TOP1: variants seen among roughly 807,000 people sequenced by gnomAD.
The protein encoded by TOP1 is DNA topoisomerase I, also known as DNA topoisomerase 1.
A neutral mutation model predicts 111.1 loss-of-function variants in TOP1; 10 were observed. The ratio of observed to expected loss-of-function variants is 0.09; its 90% CI spans 0.06 to 0.15. TOP1 has a LOEUF of 0.15. Among genes scored for constraint, TOP1 ranks in the 10% least tolerant of loss-of-function variants. The probability of loss-of-function intolerance (pLI) is 1.00; values close to 1 mark genes in which losing one functional copy is unlikely to be tolerated. For synonymous variants in TOP1, 271 were observed against 302.9 expected, an observed-to-expected ratio of 0.89 and a Z score of 1.10; for missense variants, 474 against 926.7, an observed-to-expected ratio of 0.51 and a Z score of 6.34.
chr20:41,075,486 T>C (rs977326153), intron 3 of TOP1, among the ~76,000 whole-genome samples: 1 of 152,220 alleles, frequency 6.6e-6, no homozygotes. Flanking sequence ...TAAACATCTT[T>C]ATATGTAATG....
chr20:41,117,535 C>T (rs901355781), intron 17 of TOP1, among the ~76,000 whole-genome samples: 8 of 151,480 alleles, frequency 5.3e-5, no homozygotes, highest in African/African-American at 1.2e-4. Context: ...TACAGGTGCC[C>T]GCCATGTCGC....
At chr20:41,057,688 G>A (rs1324516900) in intron 2 of TOP1, among the ~76,000 whole-genome samples, 1 of 152,056 alleles carries the variant, frequency 6.6e-6, no homozygotes, top group Admixed American at 6.6e-5. Context: ...CTGTATTCCA[G>A]TCTTCTTCAT....
At chr20:41,075,972 T>G (rs1187809366) in intron 3 of TOP1, among the ~76,000 whole-genome samples, 199 bp from the exon 4 acceptor site, 1 of 152,196 alleles carries the variant, frequency 6.6e-6, no homozygotes. Context: ...AGAATGATGG[T>G]TTCTGTTCTT....
intron 18 of TOP1, among the ~76,000 whole-genome samples, chr20:41,120,310 T>C (rs553978833): frequency 2.0e-5 from 3 of 152,350 alleles, no homozygotes; most frequent in South Asian, 2.1e-4. Context: ...GTAAAACATA[T>C]TTAGTGATCC....
chr20:41,036,603 T>TGG (rs1430945628), intron 2 of TOP1, among the ~76,000 whole-genome samples: 1 of 152,180 alleles, frequency 6.6e-6, no homozygotes, highest in African/African-American at 2.4e-5. Context: ...TGATTGATGT[T>TGG]GGGGAGTCTG....
In TOP1 at chr20:41,067,726, G is replaced by T. The variant is rs1254090778; in HGVS notation, c.155+6236G>T. 6.6e-6 allele frequency among the ~76,000 whole-genome samples: 1 copy of T among 152,142 alleles called. No individual in the cohort carries two copies. The highest frequency in any genetic ancestry group is 1.5e-5 in the Non-Finnish European group (1 of 68,028). ...ATTAGCACCAATCATTTGTCATCAG[G>T]CTATACTTAGGACCCAAGCCCAGGA... On this transcript the variant is annotated intron_variant, in intron 3 of 20. Coordinates refer to ENST00000361337, the MANE Select transcript of TOP1 (RefSeq NM_003286.4). The surrounding 1 kb of genome is among the most constrained non-coding windows in gnomAD (Gnocchi z 4.0).
rs935282877 is a variant in TOP1 at position 41,102,296 on chromosome 20, A to G, written c.1308+943A>G. ...TTTCTAATGAAAAATACCTGTTTAT[A>G]TATTTTCTCCAATTATAAAATATAC... On this transcript the variant is annotated intron_variant, in intron 13 of 20. Transcript: ENST00000361337. This position sits in a 1 kb window ranked among gnomAD's most constrained non-coding sequence, Gnocchi z 4.0. 3.3e-5 allele frequency among the ~76,000 whole-genome samples: 5 copies of G among 152,196 alleles called. No individual in the cohort carries two copies. Among genetic ancestry groups the G allele is most frequent in the African/African-American group, 1.2e-4 (5 of 41,448 alleles).
At chr20:41,057,735 GT>G (rs1318374564) in intron 2 of TOP1, among the ~76,000 whole-genome samples, 14 of 151,962 alleles carry the variant, frequency 9.2e-5, no homozygotes, top group South Asian at 2.1e-4. Context: ...ACACAGAGTA[GT>G]TTTTTTTAAT....
chr20:41,072,434 C>T lies in TOP1; in HGVS notation c.156-3737C>T, dbSNP rs145155985. The T allele has an allele frequency of 1.3e-4, 131 of 985,380 alleles. No individual in the cohort carries two copies. In the East Asian group the frequency reaches 0.011, roughly 79 times the overall value. The allele number at this position is 985,380 out of a possible 1,614,324, so 61.0% of individuals were successfully genotyped here. On this transcript the variant is annotated intron_variant, in intron 3 of 20. Coordinates refer to ENST00000361337, the MANE Select transcript of TOP1 (RefSeq NM_003286.4). ...CCTAAGCCTTTTGGAAAAAGACATA[C>T]ATGTTAGAAAATCTCAAATGGATGA...
chr20:41,090,083 C>T (rs2033901777), intron 8 of TOP1, among the ~76,000 whole-genome samples: 1 of 151,868 alleles, frequency 6.6e-6, no homozygotes, highest in Non-Finnish European at 1.5e-5. Flanking sequence ...AAGTGATTCT[C>T]ATGCCTCAGC....
Position 41,118,146 on chromosome 20 carries a change from C to G in TOP1, c.1823-23C>G. 6.2e-7 allele frequency: 1 copy of G among 1,608,204 alleles called. No homozygotes were observed. Among genetic ancestry groups the G allele is most frequent in the Non-Finnish European group, 8.5e-7 (1 of 1,175,676 alleles). On this transcript the variant is annotated intron_variant, in intron 17 of 20. Transcript: ENST00000361337. The surrounding 1 kb of genome is among the most constrained non-coding windows in gnomAD (Gnocchi z 4.6). ...TTTGGTGTACAAACTGACCCTCTTG[C>G]TACCATGTTCCTTTCTTTACAGCGG...
chr20:41,119,302 AC>A lies in TOP1; in HGVS notation c.1950+1007del, dbSNP rs200366420. Among the ~76,000 whole-genome samples the A allele has an allele frequency of 9.8e-3, 1,500 of 152,338 alleles. 18 individuals carry two copies. The highest frequency in any genetic ancestry group is 0.024 in the Middle Eastern group (7 of 294). ...CTATGGTTTGTTCCCCATATTCATA[AC>A]TGAAGAAGAAATACTAAATTTCAGC... On this transcript the variant is annotated intron_variant, in intron 18 of 20. Coordinates refer to ENST00000361337, the MANE Select transcript of TOP1 (RefSeq NM_003286.4).
intron 3 of TOP1, among the ~76,000 whole-genome samples, chr20:41,065,239 T>C (rs2033592990): frequency 6.6e-6 from 1 of 152,192 alleles, no homozygotes; most frequent in Non-Finnish European, 1.5e-5. Context: ...AGGCTTAGTA[T>C]GGTACCTGGC....
intron 13 of TOP1, among the ~76,000 whole-genome samples, chr20:41,107,052 A>C (rs2034157944): frequency 6.6e-6 from 1 of 152,008 alleles, no homozygotes; most frequent in Non-Finnish European, 1.5e-5. Context: ...ACACCCTTTA[A>C]TGTTTCTTTA....
In TOP1 at chr20:41,071,975, C is replaced by G. The variant is rs2033674211; in HGVS notation, c.156-4196C>G. ...TTTTTGTCCTTCAGCATATCCCAGACTAAACTTACTCTTAAAATATGTTTG... is the reference window on the plus strand; with the variant it reads ...TTTTTGTCCTTCAGCATATCCCAGAGTAAACTTACTCTTAAAATATGTTTG... On this transcript the variant is annotated intron_variant, in intron 3 of 20. Transcript: ENST00000361337. The surrounding 1 kb of genome is among the most constrained non-coding windows in gnomAD (Gnocchi z 4.3). 6.6e-6 allele frequency among the ~76,000 whole-genome samples: 1 copy of G among 152,192 alleles called. No homozygotes were observed. The highest frequency in any genetic ancestry group is 6.5e-5 in the Admixed American group (1 of 15,274).
rs1025201546 is a variant in TOP1, at chr20:41,083,867, G to A, written c.508-595G>A. Among the ~76,000 whole-genome samples, 7 of 152,094 alleles carry A rather than the reference G, an allele frequency of 4.6e-5. No individual in the cohort carries two copies. Among genetic ancestry groups the A allele is most frequent in the Non-Finnish European group, 1.0e-4 (7 of 68,014 alleles). ...TGATGCCCGTTTATTGTGTCACTGT[G>A]ATCAGCTCATTTACATTCAGAGTTC... is the stretch of plus-strand genomic sequence containing the variant. On this transcript the variant is annotated intron_variant, in intron 7 of 20. Coordinates refer to ENST00000361337, the MANE Select transcript of TOP1 (RefSeq NM_003286.4). The surrounding 1 kb of genome is among the most constrained non-coding windows in gnomAD (Gnocchi z 7.2).
At chr20:41,054,794 A>G (rs1480169707) in intron 2 of TOP1, among the ~76,000 whole-genome samples, 1 of 152,220 alleles carries the variant, frequency 6.6e-6, no homozygotes, top group Non-Finnish European at 1.5e-5. Context: ...TAGTCTTCAG[A>G]ATATATTTCT....
At chr20:41,036,797 A>G (rs1317342505) in intron 2 of TOP1, among the ~76,000 whole-genome samples, 1 of 151,644 alleles carries the variant, frequency 6.6e-6, no homozygotes, top group Non-Finnish European at 1.5e-5. Flanking sequence ...GTTTGGGCTG[A>G]GAAGGATCCA....
rs2033076566 is a variant in TOP1, at chr20:41,028,960, C to T, written c.-108C>T. ...GCCCACAGTCACCGCCGCTTACCTGCGCCTCCTCGAGCCTCCGGAGTCCCC... is the reference window on the plus strand; with the variant it reads ...GCCCACAGTCACCGCCGCTTACCTGTGCCTCCTCGAGCCTCCGGAGTCCCC... On this transcript the variant is annotated 5_prime_UTR_variant, in exon 1 of 21. Coordinates refer to ENST00000361337, the MANE Select transcript of TOP1 (RefSeq NM_003286.4). The T allele has an allele frequency of 2.2e-6, 2 of 903,370 alleles. No homozygotes were observed. The highest frequency in any genetic ancestry group is 1.5e-5 in the South Asian group (1 of 68,066). The allele number at this position is 903,370 out of a possible 1,614,324, so 56.0% of individuals were successfully genotyped here.
Sources: allele counts gnomAD v4.1 joint callset (sites outside exome capture counted in the v4.1 genomes callset), GRCh38; gene constraint gnomAD v4.1.1; non-coding constraint Gnocchi (gnomAD v3.1); transcripts MANE v1.5; gene names NCBI Gene and HGNC (gene_info 2026-07-23, HGNC 2026-07-21).